The following SPECC1 variants were observed in gnomAD, a reference collection of about 807,000 sequenced individuals.
The protein encoded by SPECC1 is cytospin-B.
In SPECC1, 62 loss-of-function variants were observed where a neutral mutation model predicts 104.1. The observed-to-expected ratio is 0.60, with a 90% CI of 0.49 to 0.74. SPECC1 has a LOEUF of 0.74. SPECC1 is among the 30% of genes least tolerant of loss of function. The probability of loss-of-function intolerance (pLI) is 0.00; values close to 1 mark genes in which losing one functional copy is unlikely to be tolerated. For synonymous variants in SPECC1, 513 were observed against 501.6 expected (o/e 1.02, Z -0.30); for missense variants, 1,306 against 1,310.5 (o/e 1.00, Z 0.05).
At chr17:20,194,715 A>G (rs780006007) in intron 3 of SPECC1, among the ~76,000 whole-genome samples, 11 of 151,794 alleles carry the variant, frequency 7.2e-5, no homozygotes, top group Non-Finnish European at 1.3e-4. Context: ...CATGTTGGCT[A>G]GGATGGTCTC....
intron 1 of SPECC1, among the ~76,000 whole-genome samples, chr17:20,079,738 G>A (rs993074096): frequency 1.2e-4 from 19 of 152,144 alleles, no homozygotes; most frequent in African/African-American, 4.1e-4. Context: ...CCAGCCTCCA[G>A]GGACCTACGC....
Position 20,217,873 on chromosome 17 carries a change from A to T in SPECC1, c.1864-9540A>T, listed in dbSNP as rs1054898259. Among the ~76,000 whole-genome samples, 11 of 146,556 alleles carry T rather than the reference A, an allele frequency of 7.5e-5. No homozygotes were observed. In the East Asian group the frequency reaches 2.0e-3, roughly 26 times the overall value. On this transcript the variant is annotated intron_variant, in intron 4 of 14. Coordinates refer to ENST00000395527, the MANE Select transcript of SPECC1 (RefSeq NM_001243439.2). ...GGCAACATAGCAAGACCCCACCTAT[A>T]AAAAAAAAATGAACTGGGCATTGTG...
intron 13 of SPECC1, among the ~76,000 whole-genome samples, chr17:20,298,948 A>AGAGAGAGAGAGAGAGAGT: frequency 2.0e-5 from 1 of 49,072 alleles, no homozygotes; most frequent in South Asian, 1.4e-3. Context: ...AGAGAGAGAG[A>AGAGAGAGAGAGAGAGAGT]GTGTGTGTGT....
At chr17:20,181,141 A>G (rs947289075) in intron 3 of SPECC1, among the ~76,000 whole-genome samples, 23 of 152,156 alleles carry the variant, frequency 1.5e-4, no homozygotes, top group Non-Finnish European at 3.2e-4. Context: ...AAGCCTTTTG[A>G]TATCAAAATT....
intron 3 of SPECC1, among the ~76,000 whole-genome samples, chr17:20,198,958 A>G (rs1043739349): frequency 1.3e-5 from 2 of 151,978 alleles, no homozygotes. Context: ...TGATTGATTT[A>G]TAGTTCATCT....
intron 3 of SPECC1, chr17:20,156,320 G>A: frequency 2.3e-6 from 3 of 1,286,210 alleles, no homozygotes; most frequent in Non-Finnish European, 3.0e-6. Context: ...TCCGGCTCGC[G>A]GCGCCGACTG....
At chr17:20,312,164 G>T (rs2041949775) in intron 14 of SPECC1, among the ~76,000 whole-genome samples, 1 of 152,126 alleles carries the variant, frequency 6.6e-6, no homozygotes, top group Non-Finnish European at 1.5e-5. Flanking sequence ...TCCATTTTTT[G>T]AAGAGATTGT....
At chr17:20,155,506 C>G (rs72830165) in intron 3 of SPECC1, 8,040 of 152,282 alleles carry the variant, frequency 0.053, 294 homozygotes, top group Non-Finnish European at 0.08. Flanking sequence ...TTTCTACTTA[C>G]GATTGGTATG....
chr17:20,096,620 C>G lies in SPECC1; in HGVS notation c.-21-11C>G. 6.3e-7 allele frequency: 1 copy of G among 1,584,262 alleles called. No homozygotes were observed. The highest frequency in any genetic ancestry group is 8.6e-7 in the Non-Finnish European group (1 of 1,162,354). ...GATGGAGACATGTTTTTCTTTTCTG[C>G]TCTTTTGCAGGACAGACCCACGAAG... On this transcript the variant is annotated splice_polypyrimidine_tract_variant and intron_variant, in intron 1 of 14. Coordinates refer to ENST00000395527, the MANE Select transcript of SPECC1 (RefSeq NM_001243439.2).
intron 1 of SPECC1, among the ~76,000 whole-genome samples, chr17:20,020,567 T>C (rs540571425): frequency 2.0e-5 from 3 of 152,170 alleles, no homozygotes; most frequent in East Asian, 3.9e-4. Context: ...CTCCTAATCT[T>C]GTGATCCGCC....
chr17:20,291,983 A>G (rs892859092), intron 12 of SPECC1, among the ~76,000 whole-genome samples: 2 of 151,136 alleles, frequency 1.3e-5, no homozygotes, highest in African/African-American at 4.9e-5. Context: ...CAGGGCAAGC[A>G]CTTGCCTTGT....
intron 1 of SPECC1, among the ~76,000 whole-genome samples, chr17:20,038,141 A>G (rs989065516): frequency 1.3e-5 from 2 of 151,784 alleles, no homozygotes; most frequent in Non-Finnish European, 2.9e-5. Flanking sequence ...GAGGTTTGTC[A>G]ATTTTATTAA....
chr17:20,194,504 T>TTG (rs1567923621), intron 3 of SPECC1, among the ~76,000 whole-genome samples: 1 of 107,690 alleles, frequency 9.3e-6, no homozygotes, highest in African/African-American at 4.2e-5. Flanking sequence ...GAGAACGAAT[T>TTG]TTTTTTTTTT....
intron 1 of SPECC1, among the ~76,000 whole-genome samples, chr17:20,080,329 T>TA (rs1457737041): frequency 3.3e-5 from 5 of 152,050 alleles, no homozygotes; most frequent in Admixed American, 3.3e-4. Context: ...GAGGACACTG[T>TA]AGGAAAGAGA....
intron 5 of SPECC1, 51 bp from the exon 6 acceptor site, chr17:20,231,707 C>A: frequency 6.4e-7 from 1 of 1,570,882 alleles, no homozygotes; most frequent in South Asian, 1.1e-5. Flanking sequence ...CGTGTCTTCT[C>A]TTAAGAGTCT....
At chr17:20,239,255 A>G (rs1266307953) in intron 7 of SPECC1, 2 of 1,012,960 alleles carry the variant, frequency 2.0e-6, no homozygotes. Flanking sequence ...AGTATTATTT[A>G]GGTATACTAA....
At chr17:20,147,967 A>G (rs556462953) in intron 3 of SPECC1, among the ~76,000 whole-genome samples, 1 of 152,222 alleles carries the variant, frequency 6.6e-6, no homozygotes, top group Admixed American at 6.5e-5. Context: ...ATTTGAGCCC[A>G]GGAGTTCGAG....
At chr17:20,223,365 C>G (rs1319450008) in intron 4 of SPECC1, among the ~76,000 whole-genome samples, 1 of 152,074 alleles carries the variant, frequency 6.6e-6, no homozygotes, top group Non-Finnish European at 1.5e-5. Context: ...ATAATTTCTG[C>G]TTTATTTTTA....
At position 20,142,893 on chromosome 17, in the gene SPECC1, G is replaced by C. The variant is rs563746112; in HGVS notation, c.283+32331G>C. ...TGCGTGCCTGTAGTCACAGCTACTCGGGAGGCTAAGGCAGGAGAATCACTT... is the reference window on the plus strand; with the variant it reads ...TGCGTGCCTGTAGTCACAGCTACTCCGGAGGCTAAGGCAGGAGAATCACTT... On this transcript the variant is annotated intron_variant, in intron 3 of 14. Transcript: ENST00000395527. Among the ~76,000 whole-genome samples the C allele has an allele frequency of 1.1e-4, 16 of 151,154 alleles. No homozygotes were observed. The South Asian group carries it at 3.4e-3, about 32-fold the overall frequency.
Sources: allele counts gnomAD v4.1 joint callset (sites outside exome capture counted in the v4.1 genomes callset), GRCh38; gene constraint gnomAD v4.1.1; transcripts MANE v1.5; gene names NCBI Gene and HGNC (gene_info 2026-07-23, HGNC 2026-07-21).